PSD3: variants seen among roughly 807,000 people sequenced by gnomAD.
PSD3 encodes pleckstrin and Sec7 domain containing 3, also known as PH and SEC7 domain-containing protein 3.
Under a neutral mutation model 105.5 loss-of-function variants are expected in PSD3, and 49 were observed. The ratio of observed to expected loss-of-function variants is 0.46; its 90% confidence interval spans 0.37 to 0.59. The LOEUF is 0.59. PSD3 is among the 20% of genes least tolerant of loss of function. PSD3 has a pLI of 0.00. For missense variants in PSD3, 1,561 were observed against 1,263.8 expected (o/e 1.24, Z -3.57); for synonymous variants, 557 against 457.8 (o/e 1.22, Z -2.77).
At chr8:18,675,288 G>C (rs1307448431) in intron 9 of PSD3, among the ~76,000 whole-genome samples, 1 of 152,182 alleles carries the variant, frequency 6.6e-6, no homozygotes, top group Non-Finnish European at 1.5e-5. Flanking sequence ...TAAACACCTT[G>C]GCCTGCCCCA....
At chr8:18,571,115 C>T (rs1316048428) in intron 14 of PSD3, among the ~76,000 whole-genome samples, 2 of 152,108 alleles carry the variant, frequency 1.3e-5, no homozygotes, top group Middle Eastern at 3.2e-3. Flanking sequence ...CCCACCTCGG[C>T]TTCCAAAAGT....
Position 18,804,645 on chromosome 8 carries a change from A to G in PSD3, c.1830-43T>C, listed in dbSNP as rs146187566. 8.0e-4 allele frequency: 1,290 copies of G among 1,611,452 alleles called. 1 individual carries two copies. Among genetic ancestry groups the G allele is most frequent in the Admixed American group, 2.6e-3 (155 of 59,842 alleles). On this transcript the variant is annotated intron_variant, in intron 5 of 15. Transcript: ENST00000327040. Reference sequence around the variant, plus strand: ...AGACTTGGTTATTGAAAGGTAAACTATTTAAAACACACACAAAACAGGAGA... The same window carrying G: ...AGACTTGGTTATTGAAAGGTAAACTGTTTAAAACACACACAAAACAGGAGA...
At chr8:18,916,653 G>C (rs114267138) in intron 2 of PSD3, among the ~76,000 whole-genome samples, 8 of 151,818 alleles carry the variant, frequency 5.3e-5, no homozygotes, top group Non-Finnish European at 1.5e-5. Flanking sequence ...ACATTCTAGA[G>C]ATCTGTCAGA....
Position 19,013,486 on chromosome 8 carries a change from C to A in PSD3, c.21+77G>T, listed in dbSNP as rs1246449953. 5.7e-6 allele frequency: 9 copies of A among 1,572,896 alleles called. No individual in the cohort carries two copies. In the East Asian group the frequency reaches 1.9e-4, roughly 33 times the overall value. On this transcript the variant is annotated intron_variant, in intron 1 of 15. Coordinates refer to ENST00000327040, the MANE Select transcript of PSD3 (RefSeq NM_015310.4). ...GGGATCCTGGGGGACAGAGCGGCGA[C>A]AAAGCAACACAAACCCCACGTCGAA...
intron 2 of PSD3, among the ~76,000 whole-genome samples, chr8:18,929,344 T>A (rs1821589153): frequency 6.6e-6 from 1 of 151,804 alleles, no homozygotes; most frequent in Admixed American, 6.6e-5. Flanking sequence ...ATCCTAACAG[T>A]AGAGCCACAG....
intron 11 of PSD3, among the ~76,000 whole-genome samples, chr8:18,612,420 T>C (rs541365060): frequency 6.6e-6 from 1 of 152,048 alleles, no homozygotes; most frequent in Non-Finnish European, 1.5e-5. Context: ...GTTGCCAGAC[T>C]GGAGAGCAGC....
chr8:18,537,297 A>C (rs1475947878), intron 15 of PSD3, among the ~76,000 whole-genome samples: 2 of 152,250 alleles, frequency 1.3e-5, no homozygotes, highest in African/African-American at 4.8e-5. Flanking sequence ...TCAAAGTCAA[A>C]GTAAGGAAGA....
At chr8:18,833,376 C>A (rs1026198938) in intron 4 of PSD3, among the ~76,000 whole-genome samples, 2 of 152,206 alleles carry the variant, frequency 1.3e-5, no homozygotes, top group African/African-American at 4.8e-5. Flanking sequence ...ACACTTTTCC[C>A]TTTGCTTGAG....
At chr8:18,799,407 C>T in intron 7 of PSD3, 54 bp from the exon 8 acceptor site, 1 of 1,354,034 alleles carries the variant, frequency 7.4e-7, no homozygotes, top group South Asian at 1.2e-5. Flanking sequence ...CTGTTGGACT[C>T]CACCTTATTA....
chr8:18,687,476 A>T (rs1800721304), intron 9 of PSD3, among the ~76,000 whole-genome samples: 1 of 145,918 alleles, frequency 6.9e-6, no homozygotes, highest in African/African-American at 2.7e-5. Flanking sequence ...AAAAAAAGAA[A>T]ATTTAGCAGT....
At chr8:18,804,005 C>T (rs1262376307) in intron 6 of PSD3, among the ~76,000 whole-genome samples, 1 of 152,208 alleles carries the variant, frequency 6.6e-6, no homozygotes, top group East Asian at 1.9e-4. Flanking sequence ...ATTTTTTATC[C>T]AGATTTGCTT....
chr8:18,946,684 G>A (rs1471328321), intron 1 of PSD3, among the ~76,000 whole-genome samples: 2 of 152,054 alleles, frequency 1.3e-5, no homozygotes, highest in South Asian at 2.1e-4. Context: ...TGGATCACCT[G>A]AGGTCAGGAG....
intron 14 of PSD3, among the ~76,000 whole-genome samples, chr8:18,570,524 G>T (rs1442327232): frequency 6.7e-6 from 1 of 149,024 alleles, no homozygotes; most frequent in African/African-American, 2.5e-5. Context: ...CCATCAGAGT[G>T]AACAGGCAAC....
intron 15 of PSD3, among the ~76,000 whole-genome samples, chr8:18,541,216 C>T (rs2129969615): frequency 6.7e-6 from 1 of 150,072 alleles, no homozygotes; most frequent in Non-Finnish European, 1.5e-5. Flanking sequence ...GATACCATCA[C>T]ATGAGGGTAA....
chr8:19,041,069 G>A (rs1041931411), intron 1 of PSD3, among the ~76,000 whole-genome samples: 1 of 151,872 alleles, frequency 6.6e-6, no homozygotes, highest in South Asian at 2.1e-4. Context: ...ATTTTTAAAT[G>A]TGTTTTTTAT....
At chr8:18,853,257 T>G (rs1292261746) in intron 4 of PSD3, among the ~76,000 whole-genome samples, 1 of 152,186 alleles carries the variant, frequency 6.6e-6, no homozygotes, top group Non-Finnish European at 1.5e-5. Flanking sequence ...CAATCCATAG[T>G]CAAGGCAAGC....
intron 14 of PSD3, among the ~76,000 whole-genome samples, chr8:18,567,317 G>A (rs1267156382): frequency 2.0e-5 from 3 of 151,342 alleles, no homozygotes; most frequent in Admixed American, 6.6e-5. Flanking sequence ...CCCTTATATC[G>A]TGTAATGTGA....
intron 9 of PSD3, among the ~76,000 whole-genome samples, chr8:18,660,853 A>C (rs1285423528): frequency 6.6e-6 from 1 of 152,242 alleles, no homozygotes; most frequent in Non-Finnish European, 1.5e-5. Flanking sequence ...CCAGGACAGA[A>C]TGACTCTTTG....
At chr8:18,575,078 G>A in intron 13 of PSD3, 50 bp downstream of exon 13, 1 of 1,577,754 alleles carries the variant, frequency 6.3e-7, no homozygotes, top group South Asian at 1.2e-5. Flanking sequence ...CAATAAAGTA[G>A]TGCTAAGTGA....
Sources: allele counts gnomAD v4.1 joint callset (sites outside exome capture counted in the v4.1 genomes callset), GRCh38; gene constraint gnomAD v4.1.1; transcripts MANE v1.5; gene names NCBI Gene and HGNC (gene_info 2026-07-23, HGNC 2026-07-21).